OSGEPL1: variants seen among roughly 807,000 people sequenced by gnomAD.
The protein encoded by OSGEPL1 is tRNA N6-adenosine threonylcarbamoyltransferase, mitochondrial.
In OSGEPL1, 26 loss-of-function variants were observed where a neutral mutation model predicts 37.2. That is an observed-to-expected ratio of 0.70 (90% CI 0.51 to 0.97). The LOEUF (loss-of-function observed/expected upper bound fraction) is 0.97, where lower values mean the gene tolerates loss of function less well. Among genes scored for constraint, OSGEPL1 ranks in the 50% least tolerant of loss-of-function variants. The pLI is 0.00. For missense variants in OSGEPL1, 404 were observed against 487.0 expected, an observed-to-expected ratio of 0.83 and a Z score of 1.60; for synonymous variants, 140 against 159.9, an observed-to-expected ratio of 0.88 and a Z score of 0.94.
chr2:189,757,560 CATT>C (rs1348298057), intron 2 of OSGEPL1, among the ~76,000 whole-genome samples: 1 of 152,162 alleles, frequency 6.6e-6, no homozygotes, highest in Non-Finnish European at 1.5e-5. Context: ...AGTTAGTGGT[CATT>C]ATTATCATTT....
chr2:189,758,031 G>A (rs750080509), intron 2 of OSGEPL1, among the ~76,000 whole-genome samples: 27 of 152,138 alleles, frequency 1.8e-4, no homozygotes, highest in Non-Finnish European at 3.1e-4. Context: ...TCATGGGGGC[G>A]TATTTTCCCC....
At chr2:189,755,151 G>A in intron 3 of OSGEPL1, 22 bp downstream of exon 3, 1 of 1,590,146 alleles carries the variant, frequency 6.3e-7, no homozygotes, top group Non-Finnish European at 8.5e-7. Flanking sequence ...AAAAAAGAAT[G>A]GAGAAATTAA....
At chr2:189,760,730 G>C (rs1447001327) in intron 2 of OSGEPL1, among the ~76,000 whole-genome samples, 1 of 151,972 alleles carries the variant, frequency 6.6e-6, no homozygotes, top group Admixed American at 6.6e-5. Context: ...GGCGGAGATT[G>C]CAGTGAGCCG....
chr2:189,757,875 A>C (rs563871138), intron 2 of OSGEPL1, among the ~76,000 whole-genome samples: 1 of 152,318 alleles, frequency 6.6e-6, no homozygotes, highest in South Asian at 2.1e-4. Flanking sequence ...CTCTAGCTAA[A>C]CTGAATGTCT....
intron 7 of OSGEPL1, among the ~76,000 whole-genome samples, chr2:189,751,658 T>G (rs1227622187): frequency 2.0e-5 from 3 of 151,240 alleles, no homozygotes; most frequent in Non-Finnish European, 4.4e-5. Flanking sequence ...TTGGCCAGGC[T>G]GGTCTCGAAC....
At position 189,754,364 on chromosome 2, in the gene OSGEPL1, T is replaced by G; in HGVS notation, c.610-19A>C. The G allele has an allele frequency of 6.4e-7, 1 of 1,571,602 alleles. No homozygotes were observed. Among genetic ancestry groups the G allele is most frequent in the Non-Finnish European group, 8.6e-7 (1 of 1,158,834 alleles). ...TTGCCACCTATCAAAGAAACATATTTTTTAGAGTCATAAAATTAAATACTG... is the reference window on the plus strand; with the variant it reads ...TTGCCACCTATCAAAGAAACATATTGTTTAGAGTCATAAAATTAAATACTG... On this transcript the variant is annotated intron_variant, in intron 3 of 8. Coordinates refer to ENST00000264151, the MANE Select transcript of OSGEPL1 (RefSeq NM_022353.3).
At position 189,752,545 on chromosome 2, in the gene OSGEPL1, C is replaced by T. The variant is rs982286358; in HGVS notation, c.1166+108G>A. 12 of 1,022,176 alleles carry T rather than the reference C, an allele frequency of 1.2e-5. No homozygotes were observed. The African/African-American group carries it at 1.3e-4, about 11-fold the overall frequency. The allele number at this position is 1,022,176 out of a possible 1,614,324, so 63.3% of individuals were successfully genotyped here. On this transcript the variant is annotated intron_variant, in intron 7 of 8. Coordinates refer to ENST00000264151, the MANE Select transcript of OSGEPL1 (RefSeq NM_022353.3). ...CATGAAAGAAATTTATGTAACTTTC[C>T]TTCAAGTACCACCAGAATGTCAATG...
intron 8 of OSGEPL1, among the ~76,000 whole-genome samples, chr2:189,748,424 A>G (rs748515552): frequency 1.3e-5 from 2 of 152,086 alleles, no homozygotes; most frequent in African/African-American, 2.4e-5. Context: ...GGTCTCTGCT[A>G]TGTTGCCCAG....
intron 7 of OSGEPL1, among the ~76,000 whole-genome samples, 180 bp from the exon 8 acceptor site, chr2:189,750,836 A>G (rs1283963902): frequency 1.3e-5 from 2 of 152,222 alleles, no homozygotes; most frequent in African/African-American, 2.4e-5. Flanking sequence ...AATGAAAGCT[A>G]GTCTCATTAA....
In OSGEPL1 at chr2:189,752,819, T is replaced by C. The variant is rs75378725; in HGVS notation, c.1094+30A>G. The C allele has an allele frequency of 3.1e-3, 5,024 of 1,613,536 alleles. 123 individuals carry two copies. In the African/African-American group the frequency reaches 0.059, roughly 19 times the overall value. The stretch of plus-strand genomic sequence containing the variant: ...ATGGCAATTAATATTTACATAGTTA[T>C]GAGTGAAGCACGTATATCCTGTGGC... On this transcript the variant is annotated intron_variant, in intron 6 of 8. Transcript: ENST00000264151.
At chr2:189,748,078 T>G (rs1309635852) in intron 8 of OSGEPL1, among the ~76,000 whole-genome samples, 2 of 152,230 alleles carry the variant, frequency 1.3e-5, no homozygotes, top group Non-Finnish European at 2.9e-5. Flanking sequence ...ATTCTCTACC[T>G]GGGCTGCAGT....
intron 1 of OSGEPL1, chr2:189,762,476 A>T (rs1276625929): frequency 1.7e-6 from 1 of 592,814 alleles, no homozygotes. Flanking sequence ...CACAACCTAG[A>T]GGAATTAGAT....
intron 2 of OSGEPL1, among the ~76,000 whole-genome samples, chr2:189,760,723 G>A (rs747665303): frequency 1.1e-4 from 16 of 151,974 alleles, no homozygotes; most frequent in Non-Finnish European, 2.1e-4. Flanking sequence ...CTCGAGAGGC[G>A]GAGATTGCAG....
chr2:189,762,355 G>C (rs1016174589), intron 1 of OSGEPL1, among the ~76,000 whole-genome samples: 2 of 152,180 alleles, frequency 1.3e-5, no homozygotes, highest in South Asian at 4.1e-4. Context: ...AACTTTCTGG[G>C]TGTTAAAGCA....
chr2:189,754,369 G>A, intron 3 of OSGEPL1, 24 bp from the exon 4 acceptor site: 1 of 1,565,630 alleles, frequency 6.4e-7, no homozygotes, highest in South Asian at 1.2e-5. Context: ...ATATTTTTTA[G>A]AGTCATAAAA....
chr2:189,756,502 T>C (rs1434645600), intron 2 of OSGEPL1, among the ~76,000 whole-genome samples: 1 of 152,216 alleles, frequency 6.6e-6, no homozygotes, highest in Non-Finnish European at 1.5e-5. Context: ...TCAATGAATA[T>C]TTGCTGAGTA....
At chr2:189,753,367 T>C (rs556252325) in intron 5 of OSGEPL1, among the ~76,000 whole-genome samples, 1 of 152,308 alleles carries the variant, frequency 6.6e-6, no homozygotes, top group African/African-American at 2.4e-5. Context: ...ATTTAAACAT[T>C]TTCCCACTTT....
chr2:189,756,459 A>G (rs963153518), intron 2 of OSGEPL1, among the ~76,000 whole-genome samples: 1 of 152,210 alleles, frequency 6.6e-6, no homozygotes, highest in African/African-American at 2.4e-5. Flanking sequence ...TACTAGTTCT[A>G]TGTGTAGAAA....
rs756802115 is a variant in OSGEPL1 at position 189,752,909 on chromosome 2, T to C, written c.1034A>G (p.Gln345Arg). 5.2e-5 allele frequency: 84 copies of C among 1,613,550 alleles called. 2 individuals are homozygous for C. In the South Asian group the frequency reaches 8.6e-4, roughly 16 times the overall value. The change falls in exon 6 of 9, where the codon CAG (glutamine) becomes CGG (arginine). Residue 345 changes from glutamine to arginine, a missense_variant. Physicochemically the swap from Gln to Arg is conservative, Grantham distance 43. Coordinates refer to ENST00000264151, the MANE Select transcript of OSGEPL1 (RefSeq NM_022353.3). ...GGGAGGAGGACACAACAAAGTGCAC[T>C]GTGTTGCATTTGTTAAAATTTCCAG... ...RALEILTNAT[Q>R]CTLLCPPPRL...
Sources: allele counts gnomAD v4.1 joint callset (sites outside exome capture counted in the v4.1 genomes callset), GRCh38; gene constraint gnomAD v4.1.1; transcripts MANE v1.5; gene names NCBI Gene and HGNC (gene_info 2026-07-23, HGNC 2026-07-21).